The following IPCEF1 variants were observed in gnomAD, a reference collection of about 807,000 sequenced individuals.
The protein encoded by IPCEF1 is interaction protein for cytohesin exchange factors 1.
A neutral mutation model predicts 50.9 loss-of-function variants in IPCEF1; 31 were observed. The ratio of observed to expected loss-of-function variants is 0.61; its 90% confidence interval spans 0.46 to 0.82. IPCEF1 has a LOEUF of 0.82. IPCEF1 is among the 40% of genes least tolerant of loss of function. The pLI is 0.00. For missense variants in IPCEF1, 458 were observed against 514.0 expected (o/e 0.89, Z 1.05); for synonymous variants, 181 against 192.0 (o/e 0.94, Z 0.47).
At chr6:154,306,862 C>G (rs547081901) in intron 1 of IPCEF1, 1 of 152,312 alleles carries the variant, frequency 6.6e-6, no homozygotes, top group East Asian at 1.9e-4. Context: ...GTATATCTCA[C>G]TTCCCTTAAC....
intron 1 of IPCEF1, among the ~76,000 whole-genome samples, chr6:154,305,463 G>A (rs1030868003): frequency 1.3e-5 from 2 of 152,142 alleles, no homozygotes; most frequent in African/African-American, 2.4e-5. Context: ...ACATACACAA[G>A]CATATACTAC....
At chr6:154,354,487 T>TCCTCCACCACCACCTCCACCATCTC (rs1487119707) in intron 1 of IPCEF1, among the ~76,000 whole-genome samples, 25 of 145,828 alleles carry the variant, frequency 1.7e-4, no homozygotes, top group South Asian at 4.5e-4. Flanking sequence ...CTCCACCATC[T>TCCTCCACCACCACCTCCACCATCTC]CTACCGTCAC....
intron 1 of IPCEF1, among the ~76,000 whole-genome samples, chr6:154,295,473 AACAC>A (rs72003797): frequency 6.6e-6 from 1 of 151,310 alleles, no homozygotes; most frequent in African/African-American, 2.4e-5. Flanking sequence ...CCCCACCACC[AACAC>A]ACACACACAC....
At chr6:154,344,856 T>C (rs143319882) in intron 1 of IPCEF1, among the ~76,000 whole-genome samples, 41 of 152,348 alleles carry the variant, frequency 2.7e-4, no homozygotes, top group African/African-American at 8.7e-4. Flanking sequence ...CTGTTTACCA[T>C]GACAATCACA....
intron 5 of IPCEF1, among the ~76,000 whole-genome samples, chr6:154,229,947 T>C (rs1329493812): frequency 6.6e-6 from 1 of 152,174 alleles, no homozygotes; most frequent in African/African-American, 2.4e-5. Context: ...TTCTGCTAAG[T>C]GAAAGTGAAA....
intron 2 of IPCEF1, among the ~76,000 whole-genome samples, chr6:154,270,370 T>C (rs1363481630): frequency 1.3e-5 from 2 of 152,216 alleles, no homozygotes; most frequent in East Asian, 1.9e-4. Flanking sequence ...AAAATATTTC[T>C]AAGTGCTTAC....
chr6:154,292,114 T>C (rs558782204), intron 1 of IPCEF1, among the ~76,000 whole-genome samples: 1 of 152,324 alleles, frequency 6.6e-6, no homozygotes, highest in African/African-American at 2.4e-5. Flanking sequence ...TAATCAGGGA[T>C]CACCAAGGCA....
At chr6:154,263,240 T>TTA (rs1554299913) in intron 3 of IPCEF1, among the ~76,000 whole-genome samples, 12 of 150,904 alleles carry the variant, frequency 8.0e-5, no homozygotes, top group East Asian at 3.9e-4. Context: ...CTTTTTTTTT[T>TTA]AAATTTATTT....
intron 10 of IPCEF1, among the ~76,000 whole-genome samples, chr6:154,175,837 C>T (rs926749453): frequency 1.3e-5 from 2 of 152,122 alleles, no homozygotes; most frequent in African/African-American, 4.8e-5. Flanking sequence ...CCAGCATCAT[C>T]CTGATACCAA....
chr6:154,171,327 A>G (rs756191358), intron 10 of IPCEF1, among the ~76,000 whole-genome samples: 3 of 152,206 alleles, frequency 2.0e-5, no homozygotes, highest in Non-Finnish European at 4.4e-5. Context: ...AACATGGGTG[A>G]ACCTTGAAAA....
At chr6:154,337,101 T>C (rs1407152048) in intron 1 of IPCEF1, among the ~76,000 whole-genome samples, 1 of 152,182 alleles carries the variant, frequency 6.6e-6, no homozygotes, top group South Asian at 2.1e-4. Context: ...CAAAATATCA[T>C]ATGTAATCCA....
chr6:154,173,025 A>G (rs1800002036), intron 10 of IPCEF1, among the ~76,000 whole-genome samples: 2 of 152,256 alleles, frequency 1.3e-5, no homozygotes, highest in East Asian at 1.9e-4. Context: ...CCAGGCAAAC[A>G]GGGTCTGGAG....
At chr6:154,318,537 T>C (rs67462923) in intron 1 of IPCEF1, among the ~76,000 whole-genome samples, 33,852 of 151,676 alleles carry the variant, frequency 0.22, 4,207 homozygotes, top group East Asian at 0.35. Flanking sequence ...AGAATCACGA[T>C]GTGCTTCTGG....
chr6:154,323,126 C>A (rs1051106460), intron 1 of IPCEF1, among the ~76,000 whole-genome samples: 1 of 152,116 alleles, frequency 6.6e-6, no homozygotes, highest in Non-Finnish European at 1.5e-5. Flanking sequence ...GCCTTAGATA[C>A]CCTGCCCAGT....
intron 3 of IPCEF1, among the ~76,000 whole-genome samples, chr6:154,256,196 T>A (rs1212535694): frequency 6.6e-6 from 1 of 152,162 alleles, no homozygotes; most frequent in African/African-American, 2.4e-5. Context: ...GAGGGCCCTC[T>A]TACTGGTTTA....
At chr6:154,166,516 C>T (rs573878019) in intron 11 of IPCEF1, among the ~76,000 whole-genome samples, 2 of 152,362 alleles carry the variant, frequency 1.3e-5, no homozygotes, top group Non-Finnish European at 2.9e-5. Context: ...TTCTTCCTGA[C>T]TCACGGATTT....
At chr6:154,324,740 G>A (rs1208453979) in intron 1 of IPCEF1, among the ~76,000 whole-genome samples, 2 of 152,072 alleles carry the variant, frequency 1.3e-5, no homozygotes, top group African/African-American at 2.4e-5. Context: ...CCCAGGAAGC[G>A]GAAGTTGCAG....
At chr6:154,215,056 G>C (rs554653453) in intron 7 of IPCEF1, among the ~76,000 whole-genome samples, 2 of 152,272 alleles carry the variant, frequency 1.3e-5, no homozygotes, top group East Asian at 3.9e-4. Flanking sequence ...CTTATTGGGA[G>C]GATCTTGCTT....
At chr6:154,248,381 T>A (rs1450967187) in intron 3 of IPCEF1, among the ~76,000 whole-genome samples, 1 of 152,080 alleles carries the variant, frequency 6.6e-6, no homozygotes, top group African/African-American at 2.4e-5. Context: ...GTTCTATTTG[T>A]TTTTTCTTTA....
Sources: gnomAD v4.1 joint callset for allele counts (sites outside exome capture counted in the v4.1 genomes callset) on GRCh38, gnomAD v4.1.1 for gene constraint, MANE v1.5 for transcripts, NCBI Gene and HGNC (gene_info 2026-07-23, HGNC 2026-07-21) for gene names.